Variants in RUNX2 observed in about 807,000 individuals in gnomAD.
RUNX2 encodes runt-related transcription factor 2.
A neutral mutation model predicts 51.7 loss-of-function variants in RUNX2; 10 were observed. The observed-to-expected ratio is 0.19, with a 90% confidence interval of 0.12 to 0.33. RUNX2 has a LOEUF of 0.33. Among genes scored for constraint, RUNX2 ranks in the 10% least tolerant of loss-of-function variants. The probability of loss-of-function intolerance (pLI) is 1.00; values close to 1 mark genes in which losing one functional copy is unlikely to be tolerated. For missense variants in RUNX2, 562 were observed against 691.3 expected (o/e 0.81, Z 2.10); for synonymous variants, 276 against 273.6 (o/e 1.01, Z -0.09).
chr6:45,399,574 A>T (rs1362677223), intron 2 of RUNX2, among the ~76,000 whole-genome samples: 2 of 151,502 alleles, frequency 1.3e-5, no homozygotes, highest in Non-Finnish European at 2.9e-5. Context: ...TGGTCAGGGT[A>T]GTCTTGAACT....
chr6:45,523,438 T>C (rs576973957), intron 7 of RUNX2, among the ~76,000 whole-genome samples: 1 of 151,898 alleles, frequency 6.6e-6, no homozygotes, highest in Admixed American at 6.5e-5. Context: ...GGCTAACTAA[T>C]ACAAAAATTA....
chr6:45,530,909 A>G (rs1801821034), intron 7 of RUNX2, among the ~76,000 whole-genome samples: 2 of 152,246 alleles, frequency 1.3e-5, no homozygotes, highest in African/African-American at 4.8e-5. Flanking sequence ...GAGTAAAAAT[A>G]AATGCATAGC....
chr6:45,464,640 C>T (rs1468161532), intron 5 of RUNX2, among the ~76,000 whole-genome samples: 1 of 152,208 alleles, frequency 6.6e-6, no homozygotes, highest in Non-Finnish European at 1.5e-5. Context: ...ATCCAAAACT[C>T]ACTTTCTTAC....
At chr6:45,465,360 T>C (rs1251677645) in intron 5 of RUNX2, among the ~76,000 whole-genome samples, 2 of 152,196 alleles carry the variant, frequency 1.3e-5, no homozygotes, top group African/African-American at 4.8e-5. Context: ...TGGTTAATTA[T>C]ATGATATTTT....
chr6:45,328,502 C>T (rs1270618712), intron 1 of RUNX2, 42 bp downstream of exon 1: 1 of 1,530,498 alleles, frequency 6.5e-7, no homozygotes, highest in African/African-American at 1.4e-5. Context: ...AATAGTAGGT[C>T]CTTCAAATAT....
chr6:45,443,656 G>A (rs540917439), intron 5 of RUNX2, among the ~76,000 whole-genome samples: 14 of 152,302 alleles, frequency 9.2e-5, no homozygotes, highest in Admixed American at 3.9e-4. Flanking sequence ...TAGTCTAATC[G>A]TAGTGTCATT....
chr6:45,387,596 A>T (rs1797378325), intron 2 of RUNX2, among the ~76,000 whole-genome samples: 1 of 152,206 alleles, frequency 6.6e-6, no homozygotes, highest in Non-Finnish European at 1.5e-5. Flanking sequence ...CCAGATCTAA[A>T]TGTCCACATA....
At chr6:45,529,586 T>C (rs1402500092) in intron 7 of RUNX2, among the ~76,000 whole-genome samples, 3 of 152,050 alleles carry the variant, frequency 2.0e-5, no homozygotes, top group South Asian at 4.2e-4. Context: ...AACAAAGAGA[T>C]TGGTACAAGT....
chr6:45,416,443 C>T (rs999797627), intron 2 of RUNX2, among the ~76,000 whole-genome samples: 6 of 152,196 alleles, frequency 3.9e-5, no homozygotes, highest in Admixed American at 1.3e-4. Context: ...ATAGCACCTT[C>T]CTTGGTGACT....
At chr6:45,527,381 G>A (rs1484227971) in intron 7 of RUNX2, among the ~76,000 whole-genome samples, 1 of 152,208 alleles carries the variant, frequency 6.6e-6, no homozygotes, top group Non-Finnish European at 1.5e-5. Context: ...CACTCTGGCG[G>A]TTGGGTGGAG....
At chr6:45,467,305 G>C (rs192333818) in intron 5 of RUNX2, among the ~76,000 whole-genome samples, 2 of 151,678 alleles carry the variant, frequency 1.3e-5, no homozygotes, top group African/African-American at 4.8e-5. Flanking sequence ...TTTTTGAGAC[G>C]AAGTCTCCCT....
chr6:45,394,966 G>T (rs955686294), intron 2 of RUNX2, among the ~76,000 whole-genome samples: 4 of 152,258 alleles, frequency 2.6e-5, no homozygotes, highest in Non-Finnish European at 5.9e-5. Context: ...GTGTGGGGGG[G>T]AGGCAAGACT....
chr6:45,403,412 TA>T (rs1392415810), intron 2 of RUNX2, among the ~76,000 whole-genome samples: 1 of 152,014 alleles, frequency 6.6e-6, no homozygotes, highest in African/African-American at 2.4e-5. Context: ...TTTGTATTTT[TA>T]GTAGAGACCG....
chr6:45,481,394 T>C (rs1051655497), intron 5 of RUNX2, among the ~76,000 whole-genome samples: 2 of 152,244 alleles, frequency 1.3e-5, no homozygotes, highest in African/African-American at 4.8e-5. Flanking sequence ...GTGGGGTCTC[T>C]ATAAGTGCTC....
In RUNX2 at chr6:45,423,093, C is replaced by T. The variant is rs961839190; in HGVS notation, c.423+136C>T. 26 of 1,093,864 alleles carry T rather than the reference C, an allele frequency of 2.4e-5. No homozygotes were observed. In the Admixed American group the frequency reaches 9.8e-4, roughly 41 times the overall value. The allele number at this position is 1,093,864 out of a possible 1,614,324, so 67.8% of individuals were successfully genotyped here. ...TGGCGGCTCTAACCCCAGAAACCCC[C>T]GGCCGGGCCTCCCTCCGGATGCCCT... is the stretch of plus-strand genomic sequence containing the variant. On this transcript the variant is annotated intron_variant, in intron 3 of 8. Coordinates refer to ENST00000647337, the MANE Select transcript of RUNX2 (RefSeq NM_001024630.4).
At chr6:45,380,713 A>G (rs1797219903) in intron 2 of RUNX2, among the ~76,000 whole-genome samples, 1 of 152,116 alleles carries the variant, frequency 6.6e-6, no homozygotes, top group African/African-American at 2.4e-5. Flanking sequence ...AGTAGCTGGG[A>G]TTACAGGCGT....
intron 2 of RUNX2, among the ~76,000 whole-genome samples, chr6:45,330,970 T>C (rs1242186630): frequency 6.6e-6 from 1 of 151,972 alleles, no homozygotes; most frequent in African/African-American, 2.4e-5. Context: ...ATATAATGAT[T>C]ATCACCACCA....
intron 7 of RUNX2, among the ~76,000 whole-genome samples, chr6:45,527,496 G>A (rs1801706450): frequency 6.6e-6 from 1 of 152,208 alleles, no homozygotes; most frequent in South Asian, 2.1e-4. Context: ...AGACACTGGA[G>A]TAGAGAGAGA....
intron 2 of RUNX2, among the ~76,000 whole-genome samples, chr6:45,403,499 C>G (rs1350589497): frequency 6.6e-6 from 1 of 152,138 alleles, no homozygotes; most frequent in Non-Finnish European, 1.5e-5. Context: ...TCTCAAAGTG[C>G]TGGGATTACA....
Sources: gnomAD v4.1 joint callset for allele counts (sites outside exome capture counted in the v4.1 genomes callset) on GRCh38, gnomAD v4.1.1 for gene constraint, MANE v1.5 for transcripts, NCBI Gene and HGNC (gene_info 2026-07-23, HGNC 2026-07-21) for gene names.